Variants in CACNA1I observed in about 807,000 individuals in gnomAD.
CACNA1I encodes calcium voltage-gated channel subunit alpha1 I, also known as voltage-dependent T-type calcium channel subunit alpha-1I.
CACNA1I carries 74 observed loss-of-function variants against 201.6 expected under a neutral mutation model. The observed-to-expected ratio is 0.37, with a 90% CI of 0.30 to 0.45. CACNA1I has a LOEUF of 0.45. CACNA1I is among the 20% of genes least tolerant of loss of function. The pLI, the probability that CACNA1I is intolerant of heterozygous loss-of-function variation, is 1.00. For synonymous variants in CACNA1I, 1,431 were observed against 1,345.2 expected (o/e 1.06, Z -1.40); for missense variants, 2,346 against 3,138.1 (o/e 0.75, Z 6.03).
intron 7 of CACNA1I, 83 bp downstream of exon 7, chr22:39,642,972 C>A: frequency 1.1e-6 from 1 of 878,038 alleles, no homozygotes; most frequent in Non-Finnish European, 1.8e-6. Context: ...CTTTGGGAGT[C>A]CCTAGGGAGC....
In CACNA1I at chr22:39,665,432, C is replaced by T; in HGVS notation, c.3852-66C>T. 6.3e-7 allele frequency: 1 copy of T among 1,591,348 alleles called. No homozygotes were observed. The highest frequency in any genetic ancestry group is 8.6e-7 in the Non-Finnish European group (1 of 1,167,824). On this transcript the variant is annotated intron_variant, in intron 21 of 36. Transcript: ENST00000402142. The surrounding 1 kb of genome is among the most constrained non-coding windows in gnomAD (Gnocchi z 5.5). ...GATACTCAGCCCTGGTGACTCTGGG[C>T]TGAGTAGGGGCTGCCTCCTGGCCTG... is the stretch of plus-strand genomic sequence containing the variant.
chr22:39,660,534 G>A (rs1172202724), intron 15 of CACNA1I, 97 bp downstream of exon 15: 3 of 728,642 alleles, frequency 4.1e-6, no homozygotes, highest in Non-Finnish European at 6.7e-6. Context: ...CTCAAGCCCA[G>A]GCTCAGGGAC....
chr22:39,585,699 T>TAA (rs577223485), intron 1 of CACNA1I, among the ~76,000 whole-genome samples: 17 of 90,416 alleles, frequency 1.9e-4, no homozygotes, highest in Admixed American at 4.0e-4. Context: ...GCTGTAAACT[T>TAA]AAAAAAAAAA....
Position 39,678,123 on chromosome 22 carries a change from G to T in CACNA1I, c.5055+15G>T. ...GGATCATGAAGGTACTCCTGGGCGG[G>T]CTGGGGTGGAGAAATCAGCCAGGTG... On this transcript the variant is annotated intron_variant, in intron 31 of 36. Transcript: ENST00000402142. 4 of 1,608,622 alleles carry T rather than the reference G, an allele frequency of 2.5e-6. No homozygotes were observed. The highest frequency in any genetic ancestry group is 3.4e-6 in the Non-Finnish European group (4 of 1,177,002).
At chr22:39,645,906 G>A (rs1934473834) in intron 7 of CACNA1I, among the ~76,000 whole-genome samples, 1 of 152,184 alleles carries the variant, frequency 6.6e-6, no homozygotes. Context: ...AAACCCCAAG[G>A]CAGCTTCTCT....
At chr22:39,598,502 C>A (rs1371613571) in intron 2 of CACNA1I, among the ~76,000 whole-genome samples, 1 of 151,992 alleles carries the variant, frequency 6.6e-6, no homozygotes, top group Non-Finnish European at 1.5e-5. Flanking sequence ...TACCTATTAC[C>A]CTTCGGATCC....
chr22:39,644,043 G>A (rs576413577), intron 7 of CACNA1I, among the ~76,000 whole-genome samples: 1 of 152,318 alleles, frequency 6.6e-6, no homozygotes, highest in East Asian at 1.9e-4. Context: ...CCTGGAGGAG[G>A]GATGGGGAGG....
chr22:39,671,904 C>G (rs896311055), intron 26 of CACNA1I, among the ~76,000 whole-genome samples: 6 of 152,086 alleles, frequency 3.9e-5, no homozygotes, highest in Non-Finnish European at 8.8e-5. Context: ...GAGCACTAAG[C>G]CAGGATTCAA....
At chr22:39,600,137 G>T (rs1447441534) in intron 2 of CACNA1I, among the ~76,000 whole-genome samples, 1 of 152,160 alleles carries the variant, frequency 6.6e-6, no homozygotes, top group Non-Finnish European at 1.5e-5. Flanking sequence ...TACCCATGGG[G>T]TCCTTGGGAG....
intron 4 of CACNA1I, among the ~76,000 whole-genome samples, chr22:39,621,683 G>A (rs1429430294): frequency 6.6e-6 from 1 of 152,132 alleles, no homozygotes; most frequent in African/African-American, 2.4e-5. Context: ...AGAAAACGCT[G>A]GGGGTCCTCA....
intron 33 of CACNA1I, among the ~76,000 whole-genome samples, chr22:39,680,335 C>G (rs1323629276): frequency 6.6e-6 from 1 of 152,292 alleles, no homozygotes; most frequent in South Asian, 2.1e-4. Context: ...CCAGAGCAGG[C>G]GCAGTTAGCC....
chr22:39,616,343 A>G (rs759914365), intron 3 of CACNA1I, among the ~76,000 whole-genome samples: 59 of 152,192 alleles, frequency 3.9e-4, no homozygotes, highest in Non-Finnish European at 6.0e-4. Flanking sequence ...TTCAGATCCT[A>G]AAGTTACTAA....
At chr22:39,596,581 G>C in intron 1 of CACNA1I, among the ~76,000 whole-genome samples, 1 of 151,666 alleles carries the variant, frequency 6.6e-6, no homozygotes, top group East Asian at 1.9e-4. Context: ...GTCAGAGTGG[G>C]GCCCTGCAGG....
chr22:39,630,575 C>T (rs1467978607), intron 4 of CACNA1I, among the ~76,000 whole-genome samples: 2 of 152,240 alleles, frequency 1.3e-5, no homozygotes, highest in Admixed American at 1.3e-4. Flanking sequence ...GATGGGAGAA[C>T]ACAGAGCAGC....
intron 1 of CACNA1I, among the ~76,000 whole-genome samples, chr22:39,576,983 G>A (rs968693186): frequency 6.6e-6 from 1 of 151,780 alleles, no homozygotes; most frequent in Non-Finnish European, 1.5e-5. Flanking sequence ...ACCAAGTCTC[G>A]CACTGTCGCC....
chr22:39,640,542 C>T (rs922990277), intron 5 of CACNA1I, among the ~76,000 whole-genome samples: 3 of 152,180 alleles, frequency 2.0e-5, no homozygotes, highest in African/African-American at 7.2e-5. Flanking sequence ...TCTGTCTGTG[C>T]GAACCCAACA....
chr22:39,658,932 A>G lies in CACNA1I; in HGVS notation c.2146A>G (p.Ile716Val). ...TGGGCCTGCCCTGCGGGACCGCAGC[A>G]TCTGGGAGATTGTGGGGCAGGCGGA... ...IFDSIIVIIS[I>V]WEIVGQADGG... Residue 716 changes from isoleucine to valine, a missense_variant and splice_region_variant, in exon 12 of 37, where the codon ATC (isoleucine) becomes GTC (valine). This residue lies in a region of CACNA1I where 155 missense variants were observed against 300.8 expected (regional missense o/e 0.52). Coordinates refer to ENST00000402142, the MANE Select transcript of CACNA1I (RefSeq NM_021096.4). 6.3e-7 allele frequency: 1 copy of G among 1,593,526 alleles called. No individual in the cohort carries two copies. The highest frequency in any genetic ancestry group is 1.7e-5 in the Admixed American group (1 of 57,746).
At chr22:39,578,951 C>T (rs1269020627) in intron 1 of CACNA1I, among the ~76,000 whole-genome samples, 1 of 152,210 alleles carries the variant, frequency 6.6e-6, no homozygotes, top group East Asian at 1.9e-4. Context: ...CTCAACCCCA[C>T]CAGCCCCACA....
At chr22:39,577,229 T>G (rs1932387306) in intron 1 of CACNA1I, among the ~76,000 whole-genome samples, 2 of 152,076 alleles carry the variant, frequency 1.3e-5, no homozygotes, top group Admixed American at 6.5e-5. Flanking sequence ...AGAGACGGGG[T>G]TTCACCATTT....
Sources: gnomAD v4.1 joint callset for allele counts (sites outside exome capture counted in the v4.1 genomes callset) on GRCh38, gnomAD v4.1.1 for gene constraint, gnomAD v4.1.1 regional missense constraint, Gnocchi (gnomAD v3.1) non-coding constraint, MANE v1.5 for transcripts, NCBI Gene and HGNC (gene_info 2026-07-23, HGNC 2026-07-21) for gene names.